The following PCDHA1 variants were observed in gnomAD, a reference collection of about 807,000 sequenced individuals.
PCDHA1 encodes protocadherin alpha 1, also known as protocadherin alpha-1.
PCDHA1 carries 42 observed loss-of-function variants against 61.3 expected under a neutral mutation model. The ratio of observed to expected loss-of-function variants is 0.69; its 90% CI spans 0.54 to 0.89. PCDHA1 has a LOEUF of 0.89. PCDHA1 is among the 40% of genes least tolerant of loss of function. The pLI is 0.00. For synonymous variants in PCDHA1, 610 were observed against 553.8 expected (o/e 1.10, Z -1.43); for missense variants, 1,256 against 1,235.3 (o/e 1.02, Z -0.25).
chr5:140,882,917 G>A, intron 1 of PCDHA1: 1 of 1,614,218 alleles, frequency 6.2e-7, no homozygotes, highest in Non-Finnish European at 8.5e-7. Context: ...AGCCAGTGAT[G>A]GAGGTAAACC....
At chr5:140,803,202 C>A (rs1763143808) in intron 1 of PCDHA1, 1 of 1,613,788 alleles carries the variant, frequency 6.2e-7, no homozygotes, top group Non-Finnish European at 8.5e-7. Flanking sequence ...GCTGGTGTCG[C>A]TGGTGGAGAG....
chr5:141,003,457 G>A (rs769049189), intron 3 of PCDHA1, among the ~76,000 whole-genome samples: 1 of 152,136 alleles, frequency 6.6e-6, no homozygotes, highest in Non-Finnish European at 1.5e-5. Flanking sequence ...AATTACAGGC[G>A]TGCACCACCA....
At chr5:140,792,348 T>A (rs1277033243) in intron 1 of PCDHA1, among the ~76,000 whole-genome samples, 1 of 152,218 alleles carries the variant, frequency 6.6e-6, no homozygotes, top group Non-Finnish European at 1.5e-5. Context: ...TCCTCATCTT[T>A]GTTACATCTG....
At position 140,842,676 on chromosome 5, in the gene PCDHA1, C is replaced by G. The variant is rs1554139267; in HGVS notation, c.2394+53992C>G. The G allele has an allele frequency of 1.9e-6, 3 of 1,595,430 alleles. 1 individual carries two copies. The African/African-American group carries it at 4.0e-5, about 21-fold the overall frequency. ...GAGGTGGCCGACGTGAACGACAATG[C>G]TCCGGCGTTCGCGCAGCCCGAGTAC... On this transcript the variant is annotated intron_variant, in intron 1 of 3. Transcript: ENST00000504120.
At chr5:140,985,684 C>T (rs2097164164) in intron 3 of PCDHA1, among the ~76,000 whole-genome samples, 1 of 151,578 alleles carries the variant, frequency 6.6e-6, no homozygotes, top group Non-Finnish European at 1.5e-5. Flanking sequence ...CTGCCTTACG[C>T]TAATCCTCGT....
intron 3 of PCDHA1, among the ~76,000 whole-genome samples, chr5:141,004,794 G>A (rs1272334301): frequency 6.6e-6 from 1 of 152,144 alleles, no homozygotes; most frequent in Non-Finnish European, 1.5e-5. Context: ...GGCAGATTCT[G>A]GCTGAGCTCA....
chr5:140,898,765 G>C (rs1336398509), intron 1 of PCDHA1, among the ~76,000 whole-genome samples: 1 of 151,640 alleles, frequency 6.6e-6, no homozygotes, highest in African/African-American at 2.4e-5. Context: ...CATTGAATCT[G>C]TAAATTACCT....
chr5:140,967,922 G>T (rs782146005), intron 1 of PCDHA1: 1 of 1,614,198 alleles, frequency 6.2e-7, no homozygotes, highest in South Asian at 1.1e-5. Flanking sequence ...CATTGTGGCC[G>T]TTCTCAGTGT....
intron 3 of PCDHA1, among the ~76,000 whole-genome samples, chr5:140,999,657 C>A (rs1257419150): frequency 6.6e-6 from 1 of 152,156 alleles, no homozygotes; most frequent in Non-Finnish European, 1.5e-5. Flanking sequence ...CTGAGCCCTG[C>A]TGGGTTGCGG....
rs2098421123 is a variant in PCDHA1, at chr5:141,011,585, A to G, written c.*1648A>G. 6.5e-6 allele frequency: 1 copy of G among 153,746 alleles called. No individual in the cohort carries two copies. The highest frequency in any genetic ancestry group is 1.5e-5 in the Non-Finnish European group (1 of 68,036). 9.5% of individuals were successfully genotyped at this position (153,746 alleles called of 1,614,324 possible). ...TAAAATTTCTTTCTTAAATCAAGAT[A>G]CTGGTGATTCAAGGAATTTTATTTA... On this transcript the variant is annotated 3_prime_UTR_variant, in exon 4 of 4. Coordinates refer to ENST00000504120, the MANE Select transcript of PCDHA1 (RefSeq NM_018900.4).
chr5:140,940,045 G>T (rs2092536047), intron 1 of PCDHA1, among the ~76,000 whole-genome samples: 1 of 152,038 alleles, frequency 6.6e-6, no homozygotes, highest in African/African-American at 2.4e-5. Flanking sequence ...TATTTTATTA[G>T]ATTCTTAACC....
chr5:140,822,908 C>T (rs2150120242), intron 1 of PCDHA1: 1 of 1,614,256 alleles, frequency 6.2e-7, no homozygotes, highest in South Asian at 1.1e-5. Flanking sequence ...GACCGTGACT[C>T]AGGTGCCAAC....
rs782444555 is a variant in PCDHA1, at chr5:140,883,708, G to C, written c.2394+95024G>C. 1.2e-6 allele frequency: 2 copies of C among 1,613,664 alleles called. No homozygotes were observed. The highest frequency in any genetic ancestry group is 1.7e-6 in the Non-Finnish European group (2 of 1,179,838). On this transcript the variant is annotated intron_variant, in intron 1 of 3. Coordinates refer to ENST00000504120, the MANE Select transcript of PCDHA1 (RefSeq NM_018900.4). ...GCCACATCTTCACGGTGTCTGCTCA[G>C]GACGCGGACGCACAGGAGAACGCGC...
At chr5:140,856,750 C>A in intron 1 of PCDHA1, 1 of 1,596,268 alleles carries the variant, frequency 6.3e-7, no homozygotes, top group South Asian at 1.1e-5. Context: ...TGTTAGATGC[C>A]AATGATAACG....
chr5:140,966,937 C>T (rs2096072123), intron 1 of PCDHA1: 6 of 1,604,032 alleles, frequency 3.7e-6, no homozygotes, highest in Non-Finnish European at 5.1e-6. Flanking sequence ...CCGGCGCGCT[C>T]GTGGGCAACG....
At chr5:140,809,685 T>A in intron 1 of PCDHA1, 2 of 1,300,104 alleles carry the variant, frequency 1.5e-6, no homozygotes, top group South Asian at 1.5e-5. Context: ...TACCTCTTTT[T>A]ACATATCCAT....
intron 1 of PCDHA1, among the ~76,000 whole-genome samples, chr5:140,832,641 T>C (rs1772090459): frequency 6.6e-6 from 1 of 152,130 alleles, no homozygotes; most frequent in African/African-American, 2.4e-5. Flanking sequence ...CCTAGGAGGG[T>C]CTTTAAGAGT....
chr5:140,875,573 C>A, intron 1 of PCDHA1: 1 of 1,614,112 alleles, frequency 6.2e-7, no homozygotes, highest in Non-Finnish European at 8.5e-7. Context: ...CTCCACTACT[C>A]CGTCTACGAG....
intron 1 of PCDHA1, among the ~76,000 whole-genome samples, chr5:140,837,513 T>C (rs1414175460): frequency 1.0e-5 from 1 of 96,810 alleles, no homozygotes. Context: ...CTGAAGCAGT[T>C]TACTTTTTTT....
Sources: gnomAD v4.1 joint callset for allele counts (sites outside exome capture counted in the v4.1 genomes callset) on GRCh38, gnomAD v4.1.1 for gene constraint, MANE v1.5 for transcripts, NCBI Gene and HGNC (gene_info 2026-07-23, HGNC 2026-07-21) for gene names.